Variants in PIP5K1C observed in about 807,000 individuals in gnomAD.
PIP5K1C encodes the protein phosphatidylinositol 4-phosphate 5-kinase type-1 gamma.
A neutral mutation model predicts 80.1 loss-of-function variants in PIP5K1C; 45 were observed. That is an observed-to-expected ratio of 0.56 (90% CI 0.44 to 0.72). PIP5K1C has a LOEUF of 0.72. Among genes scored for constraint, PIP5K1C ranks in the 30% least tolerant of loss-of-function variants. PIP5K1C has a pLI of 0.00. For missense variants in PIP5K1C, 753 were observed against 954.6 expected, an observed-to-expected ratio of 0.79 and a Z score of 2.78; for synonymous variants, 498 against 420.1, an observed-to-expected ratio of 1.19 and a Z score of -2.27.
At chr19:3,680,938 G>C (rs988487529) in intron 1 of PIP5K1C, among the ~76,000 whole-genome samples, 1 of 152,204 alleles carries the variant, frequency 6.6e-6, no homozygotes, top group Non-Finnish European at 1.5e-5. Context: ...AAAGTAGGCG[G>C]AGGCCAGCGA....
In PIP5K1C at chr19:3,642,939, C is replaced by T. The variant is rs753752409; in HGVS notation, c.1650G>A (p.Arg550=). The part of the protein sequence containing the change: ...PSETSEQPRY[R]RRTQSSGQDG... The stretch of plus-strand genomic sequence containing the variant: ...CCTGTCCAGACGACTGTGTGCGCCG[C>T]CTGCAGAGATACAGCAAACACGTGA... Residue 550 remains arginine, a splice_region_variant and synonymous_variant, in exon 14 of 18, where the codon AGG becomes AGA. Coordinates refer to ENST00000335312, the MANE Select transcript of PIP5K1C (RefSeq NM_012398.3). 1.2e-6 allele frequency: 2 copies of T among 1,613,468 alleles called. No individual in the cohort carries two copies. The highest frequency in any genetic ancestry group is 2.7e-5 in the African/African-American group (2 of 74,870).
chr19:3,683,248 G>A (rs1030743353), intron 1 of PIP5K1C, among the ~76,000 whole-genome samples: 4 of 152,214 alleles, frequency 2.6e-5, no homozygotes, highest in Non-Finnish European at 5.9e-5. Flanking sequence ...CAGACAGCAC[G>A]AGCCTGGCAC....
Position 3,646,071 on chromosome 19 carries a change from T to TGG in PIP5K1C, c.1261-15_1261-14dup, listed in dbSNP as rs757800052. On this transcript the variant is annotated splice_polypyrimidine_tract_variant and intron_variant, in intron 10 of 17. Coordinates refer to ENST00000335312, the MANE Select transcript of PIP5K1C (RefSeq NM_012398.3). ...CGGACACCGTGTCCTGGAAGAGAGT[T>TGG]GGGGGGGGTGCCCGGGGGCAGAGGG... 3.8e-6 allele frequency: 5 copies of TGG among 1,309,102 alleles called. No individual in the cohort carries two copies. The East Asian group carries it at 1.6e-4, about 41-fold the overall frequency. The allele number at this position is 1,309,102 out of a possible 1,614,324, so 81.1% of individuals were successfully genotyped here. A position where few individuals can be genotyped will look rare whatever the true frequency, so the allele number is the denominator to read the frequency against.
At position 3,647,450 on chromosome 19, in the gene PIP5K1C, CAG is replaced by C. The variant is rs1020083739; in HGVS notation, c.1212-66_1212-65del. The C allele has an allele frequency of 1.1e-5, 15 of 1,367,992 alleles. No individual in the cohort carries two copies. In the Admixed American group the frequency reaches 1.8e-4, roughly 16 times the overall value. The allele number at this position is 1,367,992 out of a possible 1,614,324, so 84.7% of individuals were successfully genotyped here. On this transcript the variant is annotated intron_variant, in intron 9 of 17. Coordinates refer to ENST00000335312, the MANE Select transcript of PIP5K1C (RefSeq NM_012398.3). Reference sequence around the variant, plus strand: ...CAAGCCCATGCCAGGCCACCTCACTCAGGGGCCACTGTGCACCCCCCAGGACA... The same window carrying C: ...CAAGCCCATGCCAGGCCACCTCACTCGGGCCACTGTGCACCCCCCAGGACA...
chr19:3,653,988 ACACACACACG>A (rs1410961333), intron 6 of PIP5K1C, among the ~76,000 whole-genome samples: 2 of 152,152 alleles, frequency 1.3e-5, no homozygotes, highest in Non-Finnish European at 2.9e-5. Context: ...ACAAACACAT[ACACACACACG>A]CACACACACA....
In PIP5K1C at chr19:3,633,931, G is replaced by A. The variant is rs375048038; in HGVS notation, c.1921-411C>T. Among the ~76,000 whole-genome samples the A allele has an allele frequency of 1.8e-4, 27 of 152,218 alleles. 1 individual carries two copies. The highest frequency in any genetic ancestry group is 6.5e-4 in the African/African-American group (27 of 41,536). On this transcript the variant is annotated intron_variant, in intron 16 of 17. Transcript: ENST00000335312. Reference sequence around the variant, plus strand: ...ACGGGCACCAGCGCACAGGCTCCTGGAAGCTCTCTATGGGGGTCCTGGGAG... The same window carrying A: ...ACGGGCACCAGCGCACAGGCTCCTGAAAGCTCTCTATGGGGGTCCTGGGAG...
rs958014891 is a variant in PIP5K1C, at chr19:3,698,011, C to T, written c.94+2286G>A. Among the ~76,000 whole-genome samples, 6 of 152,370 alleles carry T rather than the reference C, an allele frequency of 3.9e-5. No individual in the cohort carries two copies. In the East Asian group the frequency reaches 7.7e-4, roughly 20 times the overall value. ...TGCCTCCCATCGGATCAGCCGAAAT[C>T]GCCAAGGACGATGACACTGGGAGCT... On this transcript the variant is annotated intron_variant, in intron 1 of 17. Coordinates refer to ENST00000335312, the MANE Select transcript of PIP5K1C (RefSeq NM_012398.3).
intron 1 of PIP5K1C, among the ~76,000 whole-genome samples, chr19:3,689,322 G>C (rs1400169441): frequency 6.6e-6 from 1 of 152,182 alleles, no homozygotes; most frequent in East Asian, 1.9e-4. Context: ...GGCTCAGTGT[G>C]CGCCTGAAGT....
intron 1 of PIP5K1C, among the ~76,000 whole-genome samples, chr19:3,683,607 A>T (rs1380646582): frequency 6.6e-6 from 1 of 152,230 alleles, no homozygotes; most frequent in African/African-American, 2.4e-5. Context: ...GAGAGGTCAG[A>T]TCGCTTGCCT....
rs1331280972 is a variant in PIP5K1C at position 3,631,741 on chromosome 19, G to T, written c.*1426C>A. 6.6e-6 allele frequency: 1 copy of T among 152,338 alleles called. No homozygotes were observed. The highest frequency in any genetic ancestry group is 2.4e-5 in the African/African-American group (1 of 41,452). The allele number at this position is 152,338 out of a possible 1,614,324, so 9.4% of individuals were successfully genotyped here. ...GCAGGAGGCCGACGGGACGTGAACA[G>T]CGGGTGGCGTGGCGTCATACGGAGG... On this transcript the variant is annotated 3_prime_UTR_variant, in exon 18 of 18. Transcript: ENST00000335312.
rs2034539907 is a variant in PIP5K1C, at chr19:3,654,024, CAG to C, written c.622-437_622-436del. Among the ~76,000 whole-genome samples, 6 of 152,326 alleles carry C rather than the reference CAG, an allele frequency of 3.9e-5. 1 individual carries two copies. In the South Asian group the frequency reaches 1.2e-3, roughly 32 times the overall value. On this transcript the variant is annotated intron_variant, in intron 6 of 17. Transcript: ENST00000335312. ...CACACACACATGTATTTTCTTGAGA[CAG>C]GGTCTCGCTCTGTCGCCCAGGCTGG...
chr19:3,681,144 G>A (rs2035577436), intron 1 of PIP5K1C, among the ~76,000 whole-genome samples: 1 of 152,114 alleles, frequency 6.6e-6, no homozygotes, highest in African/African-American at 2.4e-5. Flanking sequence ...GGATGGGAGT[G>A]GGGGCGGGCA....
chr19:3,672,176 TC>T (rs2035227414), intron 1 of PIP5K1C, among the ~76,000 whole-genome samples: 1 of 152,192 alleles, frequency 6.6e-6, no homozygotes, highest in South Asian at 2.1e-4. Flanking sequence ...TCAGTCTCTC[TC>T]TATAAAGTGC....
intron 1 of PIP5K1C, among the ~76,000 whole-genome samples, chr19:3,675,516 T>C (rs897272375): frequency 3.3e-5 from 5 of 152,130 alleles, no homozygotes; most frequent in African/African-American, 1.2e-4. Flanking sequence ...AAGGCTTTTG[T>C]GAAACGCAGT....
chr19:3,642,412 C>T (rs865995328), intron 14 of PIP5K1C, among the ~76,000 whole-genome samples: 1 of 152,330 alleles, frequency 6.6e-6, no homozygotes, highest in South Asian at 2.1e-4. Flanking sequence ...AGGAACGGCG[C>T]GCACCCACCC....
intron 1 of PIP5K1C, among the ~76,000 whole-genome samples, chr19:3,680,050 G>A (rs779713947): frequency 6.6e-6 from 1 of 152,242 alleles, no homozygotes; most frequent in Admixed American, 6.5e-5. Context: ...ACGTGGCAAA[G>A]GCCTGAAGCC....
At chr19:3,638,002 C>A (rs554606632) in intron 16 of PIP5K1C, 1 of 1,518,398 alleles carries the variant, frequency 6.6e-7, no homozygotes, top group Non-Finnish European at 8.8e-7. Context: ...ACCCCAGAGG[C>A]GCCACTGGAG....
At chr19:3,683,775 C>CCCGGGGCAGGA (rs1334305554) in intron 1 of PIP5K1C, among the ~76,000 whole-genome samples, 1 of 152,022 alleles carries the variant, frequency 6.6e-6, no homozygotes, top group African/African-American at 2.4e-5. Context: ...GTACGGAGGC[C>CCCGGGGCAGGA]CCGGGGCAGG....
chr19:3,669,962 G>A (rs1393371644), intron 1 of PIP5K1C: 1 of 151,524 alleles, frequency 6.6e-6, no homozygotes, highest in Admixed American at 6.6e-5. Context: ...CAGGAGCCTC[G>A]GGGCAGGGGC....
Sources: gnomAD v4.1 joint callset for allele counts (sites outside exome capture counted in the v4.1 genomes callset) on GRCh38, gnomAD v4.1.1 for gene constraint, MANE v1.5 for transcripts, NCBI Gene and HGNC (gene_info 2026-07-23, HGNC 2026-07-21) for gene names.